Variants in HLTF observed in about 807,000 individuals in gnomAD.
The protein encoded by HLTF is helicase like transcription factor.
HLTF carries 127 observed loss-of-function variants against 129.4 expected under a neutral mutation model. The ratio of observed to expected loss-of-function variants is 0.98; its 90% CI spans 0.85 to 1.14. The LOEUF is 1.14. HLTF is among the 50% of genes most tolerant of loss of function. The probability of loss-of-function intolerance (pLI) is 0.00; values close to 1 mark genes in which losing one functional copy is unlikely to be tolerated. For synonymous variants in HLTF, 332 were observed against 388.8 expected (o/e 0.85, Z 1.72); for missense variants, 1,139 against 1,187.1 (o/e 0.96, Z 0.60).
At chr3:149,037,641 C>T (rs985609668) in intron 23 of HLTF, among the ~76,000 whole-genome samples, 1 of 152,030 alleles carries the variant, frequency 6.6e-6, no homozygotes, top group African/African-American at 2.4e-5. Context: ...ACAAGGTAGC[C>T]TCACCCAAGT....
At chr3:149,071,103 C>A in intron 7 of HLTF, 149 bp downstream of exon 7, 4 of 486,500 alleles carry the variant, frequency 8.2e-6, no homozygotes, top group African/African-American at 2.0e-5. Flanking sequence ...TAACTAAAAA[C>A]TACAGGAAAA....
In HLTF at chr3:149,031,241, A is replaced by T. The variant is rs1345479028; in HGVS notation, c.*979T>A. 6.6e-6 allele frequency: 1 copy of T among 152,640 alleles called. No individual in the cohort carries two copies. Among genetic ancestry groups the T allele is most frequent in the Non-Finnish European group, 1.5e-5 (1 of 68,032 alleles). The allele number at this position is 152,640 out of a possible 1,614,324, so 9.5% of individuals were successfully genotyped here. A position where few individuals can be genotyped will look rare whatever the true frequency, so the allele number is the denominator to read the frequency against. On this transcript the variant is annotated 3_prime_UTR_variant, in exon 25 of 25. Transcript: ENST00000310053. ...TACTCAAGTTCAAAATCAAATTCTGATTCTAAACACATAACAATTGTTTAC... is the reference window on the plus strand; with the variant it reads ...TACTCAAGTTCAAAATCAAATTCTGTTTCTAAACACATAACAATTGTTTAC...
At chr3:149,043,683 G>A (rs1716314917) in intron 18 of HLTF, among the ~76,000 whole-genome samples, 1 of 151,956 alleles carries the variant, frequency 6.6e-6, no homozygotes, top group South Asian at 2.1e-4. Flanking sequence ...TGATATTTAA[G>A]TATTTTAAGG....
At chr3:149,073,912 T>A (rs1161289967) in intron 4 of HLTF, among the ~76,000 whole-genome samples, 1 of 151,994 alleles carries the variant, frequency 6.6e-6, no homozygotes, top group African/African-American at 2.4e-5. Context: ...AAGTCAGGGG[T>A]TTCCAGATGT....
intron 14 of HLTF, among the ~76,000 whole-genome samples, chr3:149,050,880 T>C (rs1004517574): frequency 2.6e-5 from 4 of 152,186 alleles, no homozygotes; most frequent in African/African-American, 9.7e-5. Flanking sequence ...TAATCATCCC[T>C]GACTTTCTTG....
intron 23 of HLTF, among the ~76,000 whole-genome samples, chr3:149,038,698 A>C (rs142492345): frequency 3.4e-4 from 52 of 152,198 alleles, no homozygotes; most frequent in African/African-American, 1.1e-3. Flanking sequence ...TTTTTTGTAG[A>C]GATGGGGTTT....
At chr3:149,085,507 A>G (rs970005909) in intron 1 of HLTF, among the ~76,000 whole-genome samples, 1 of 152,256 alleles carries the variant, frequency 6.6e-6, no homozygotes, top group Admixed American at 6.5e-5. Context: ...AATTTAAAAA[A>G]TGAAATCATA....
At chr3:149,071,739 T>A in intron 5 of HLTF, 82 bp from the exon 6 acceptor site, 1 of 913,550 alleles carries the variant, frequency 1.1e-6, no homozygotes, top group Non-Finnish European at 1.7e-6. Context: ...TGAAATCATT[T>A]AATTAACTGG....
intron 14 of HLTF, 112 bp downstream of exon 14, chr3:149,055,191 G>C (rs939219542): frequency 4.9e-5 from 33 of 670,976 alleles, no homozygotes; most frequent in Non-Finnish European, 6.9e-5. Context: ...ACTTAGATAC[G>C]AACTGATGAC....
chr3:149,071,441 A>G lies in HLTF; in HGVS notation c.705T>C (p.Ala235=), dbSNP rs374188045. ...GATGTGGAAGCAGTGGTGTTTCAAT[A>G]GCCTATAAATAAAAAGTCATAAAGC... ...DKTHEMEPAE[A]IETPLLPHQK... The change falls in exon 7 of 25, where the codon GCT becomes GCC. Residue 235 remains alanine (A), a splice_region_variant and synonymous_variant. Coordinates refer to ENST00000310053, the MANE Select transcript of HLTF (RefSeq NM_003071.4). 2.5e-6 allele frequency: 4 copies of G among 1,609,686 alleles called. No individual in the cohort carries two copies. Among genetic ancestry groups the G allele is most frequent in the African/African-American group, 1.3e-5 (1 of 74,628 alleles).
At chr3:149,042,913 G>T (rs951216323) in intron 18 of HLTF, among the ~76,000 whole-genome samples, 2 of 151,928 alleles carry the variant, frequency 1.3e-5, no homozygotes, top group Non-Finnish European at 2.9e-5. Flanking sequence ...ATCTGGACTA[G>T]CAAATAGCTA....
At chr3:149,058,552 C>T (rs1209359655) in intron 13 of HLTF, among the ~76,000 whole-genome samples, 1 of 152,206 alleles carries the variant, frequency 6.6e-6, no homozygotes, top group Non-Finnish European at 1.5e-5. Flanking sequence ...GTCAGTTACA[C>T]TTAATACACA....
intron 24 of HLTF, among the ~76,000 whole-genome samples, chr3:149,033,086 T>C (rs1193876878): frequency 6.6e-6 from 1 of 152,068 alleles, no homozygotes; most frequent in Non-Finnish European, 1.5e-5. Flanking sequence ...AACTTGATTT[T>C]AAAATACCCC....
intron 12 of HLTF, among the ~76,000 whole-genome samples, chr3:149,060,362 T>C (rs1246951466): frequency 6.6e-6 from 1 of 152,190 alleles, no homozygotes; most frequent in African/African-American, 2.4e-5. Context: ...ACTACACACA[T>C]AGGTTTTATT....
Position 149,039,594 on chromosome 3 carries a change from C to G in HLTF, c.2602G>C (p.Glu868Gln). The G allele has an allele frequency of 6.6e-7, 1 of 1,507,368 alleles. No homozygotes were observed. Among genetic ancestry groups the G allele is most frequent in the African/African-American group, 1.4e-5 (1 of 72,094 alleles). 93.4% of individuals were successfully genotyped at this position (1,507,368 alleles called of 1,614,324 possible). Residue 868 changes from glutamate (E) to glutamine (Q), a missense_variant, in exon 22 of 25, where the codon GAA becomes CAA. Physicochemically the swap from Glu to Gln is conservative, Grantham distance 29 (BLOSUM62 2). Transcript: ENST00000310053. The part of the protein sequence containing the change: ...SQFTTFLSLI[E>Q]IPLKASGFVF... ...TGTGGAACTTACTTAAGTGGTATTT[C>G]TATTAAAGACAGGAATGTTGTAAAC... is the stretch of plus-strand genomic sequence containing the variant.
At chr3:149,084,425 T>TG (rs545867089) in intron 2 of HLTF, among the ~76,000 whole-genome samples, 1 of 45,838 alleles carries the variant, frequency 2.2e-5, no homozygotes, top group Non-Finnish European at 4.6e-5. Flanking sequence ...CGCTGGGGTG[T>TG]GGGGGTGGGG....
rs1246107868 is a variant in HLTF at position 149,032,223 on chromosome 3, TAA to T, written c.3025_3026del (p.Leu1009IlefsTer11). 1.9e-6 allele frequency: 3 copies of T among 1,575,526 alleles called. No homozygotes were observed. Among genetic ancestry groups the T allele is most frequent in the Non-Finnish European group, 2.6e-6 (3 of 1,167,384 alleles). Reference sequence around the variant, plus strand: ...GACCTTACTAAAATCCCACAAATTATAAGTCAATTAATGTTCTGATTTCATTA... The same window carrying T: ...GACCTTACTAAAATCCCACAAATTATGTCAATTAATGTTCTGATTTCATTA... The part of the protein sequence containing the change: ...KINEIRTLID[L>X] On this transcript the variant is annotated frameshift_variant, in exon 25 of 25. Transcript: ENST00000310053. LOFTEE classifies it high-confidence loss of function.
intron 13 of HLTF, among the ~76,000 whole-genome samples, chr3:149,056,221 T>C (rs1273063581): frequency 2.0e-5 from 3 of 152,216 alleles, no homozygotes; most frequent in Non-Finnish European, 4.4e-5. Context: ...ATAATAAATG[T>C]CTGATTTTAA....
intron 20 of HLTF, among the ~76,000 whole-genome samples, chr3:149,040,435 T>TAA (rs3836276): frequency 2.0e-5 from 3 of 150,088 alleles, no homozygotes; most frequent in Admixed American, 6.6e-5. Context: ...TAAGCAAGTT[T>TAA]AAAAAAAAAA....
Sources: allele counts gnomAD v4.1 joint callset (sites outside exome capture counted in the v4.1 genomes callset), GRCh38; gene constraint gnomAD v4.1.1; transcripts MANE v1.5; gene names NCBI Gene and HGNC (gene_info 2026-07-23, HGNC 2026-07-21).